TMPRSS7: variants seen among roughly 807,000 people sequenced by gnomAD.
The protein encoded by TMPRSS7 is transmembrane protease serine 7.
Under a neutral mutation model 95.6 loss-of-function variants are expected in TMPRSS7, and 81 were observed. The observed-to-expected ratio is 0.85, with a 90% confidence interval of 0.71 to 1.02. The LOEUF (loss-of-function observed/expected upper bound fraction) is 1.02. Ranked by LOEUF, TMPRSS7 falls within the 50% of genes least tolerant of loss-of-function variation. TMPRSS7 has a pLI of 0.00. For missense variants in TMPRSS7, 945 were observed against 955.2 expected, an observed-to-expected ratio of 0.99 and a Z score of 0.14; for synonymous variants, 364 against 337.8, an observed-to-expected ratio of 1.08 and a Z score of -0.85.
chr3:112,042,953 T>C (rs1291057657), intron 3 of TMPRSS7: 1 of 454,176 alleles, frequency 2.2e-6, no homozygotes, highest in African/African-American at 2.0e-5. Flanking sequence ...AGTGATGAAC[T>C]TGACACAATG....
chr3:112,075,355 C>A, exon 15 of TMPRSS7: 1 of 1,466,778 alleles, frequency 6.8e-7, no homozygotes, highest in Non-Finnish European at 9.0e-7. Context: ...TTCACCGCAT[C>A]ATCGGAGGCA....
intron 4 of TMPRSS7, 139 bp from the exon 5 acceptor site, chr3:112,045,611 C>T (rs533955232): frequency 5.0e-5 from 37 of 733,450 alleles, no homozygotes; most frequent in African/African-American, 4.5e-4. Context: ...TCATAACAGA[C>T]GTCAATGACT....
At chr3:112,079,968 G>T (rs781025307) in intron 17 of TMPRSS7, among the ~76,000 whole-genome samples, 22 of 152,126 alleles carry the variant, frequency 1.4e-4, no homozygotes, top group Non-Finnish European at 4.4e-5. Context: ...CCCATAGCTA[G>T]TCGGTTACAC....
At chr3:112,077,176 C>T in intron 16 of TMPRSS7, 32 bp downstream of exon 16, 3 of 1,604,742 alleles carry the variant, frequency 1.9e-6, no homozygotes, top group Non-Finnish European at 2.6e-6. Context: ...CATGCCCTTC[C>T]CCTGCAGAGG....
chr3:112,037,040 G>C (rs1403803035), intron 1 of TMPRSS7, among the ~76,000 whole-genome samples: 1 of 152,066 alleles, frequency 6.6e-6, no homozygotes, highest in African/African-American at 2.4e-5. Flanking sequence ...TGTGATGATT[G>C]CGTTAACTGC....
chr3:112,055,114 C>T (rs188065521), intron 9 of TMPRSS7, among the ~76,000 whole-genome samples: 32 of 152,112 alleles, frequency 2.1e-4, no homozygotes, highest in Admixed American at 1.6e-3. Context: ...TTCTTATGAG[C>T]CCTGGGTTTT....
intron 16 of TMPRSS7, 103 bp downstream of exon 16, chr3:112,077,247 C>T (rs1363919390): frequency 3.8e-6 from 5 of 1,303,710 alleles, no homozygotes; most frequent in Non-Finnish European, 5.3e-6. Context: ...ATATGATCTC[C>T]TTTGAACCTC....
chr3:112,046,163 G>A (rs567674119), intron 5 of TMPRSS7, among the ~76,000 whole-genome samples: 13 of 152,268 alleles, frequency 8.5e-5, no homozygotes, highest in African/African-American at 3.1e-4. Flanking sequence ...ATATACATAC[G>A]AAATTGAATG....
intron 11 of TMPRSS7, among the ~76,000 whole-genome samples, 174 bp from the exon 12 acceptor site, chr3:112,063,349 TCC>T (rs2073535937): frequency 6.6e-6 from 1 of 152,206 alleles, no homozygotes; most frequent in African/African-American, 2.4e-5. Flanking sequence ...TCTTCTGTGT[TCC>T]GCTTTTTTGT....
intron 9 of TMPRSS7, among the ~76,000 whole-genome samples, chr3:112,056,239 A>G (rs1278152523): frequency 6.6e-6 from 1 of 152,224 alleles, no homozygotes; most frequent in African/African-American, 2.4e-5. Context: ...AAGCATTCAT[A>G]AATTTGACCA....
At chr3:112,037,003 C>T (rs2073153805) in intron 1 of TMPRSS7, among the ~76,000 whole-genome samples, 1 of 152,162 alleles carries the variant, frequency 6.6e-6, no homozygotes, top group African/African-American at 2.4e-5. Flanking sequence ...TCTTTGTAAA[C>T]TGAGGATGTA....
chr3:112,049,703 A>G, intron 7 of TMPRSS7, 141 bp from the exon 8 acceptor site: 1 of 605,858 alleles, frequency 1.7e-6, no homozygotes, highest in Non-Finnish European at 2.6e-6. Context: ...ATGGATGAGG[A>G]TCTGGCTGGG....
At chr3:112,052,101 G>A (rs10934131) in intron 9 of TMPRSS7, among the ~76,000 whole-genome samples, 46,529 of 151,578 alleles carry the variant, frequency 0.31, 7,286 homozygotes, top group African/African-American at 0.34. Flanking sequence ...AATATGTCTC[G>A]TAATGATAAA....
chr3:112,066,662 C>T (rs900897787), intron 13 of TMPRSS7, among the ~76,000 whole-genome samples, 160 bp downstream of exon 13: 9 of 152,250 alleles, frequency 5.9e-5, no homozygotes, highest in Admixed American at 2.6e-4. Flanking sequence ...TCTTGGGAAC[C>T]CCTTTAGTCC....
intron 3 of TMPRSS7, among the ~76,000 whole-genome samples, chr3:112,043,631 G>A (rs2073239222): frequency 6.6e-6 from 1 of 152,148 alleles, no homozygotes; most frequent in African/African-American, 2.4e-5. Context: ...ATAGGAAGGG[G>A]AATACTAGAG....
intron 7 of TMPRSS7, among the ~76,000 whole-genome samples, chr3:112,048,525 A>C (rs903425803): frequency 3.3e-5 from 5 of 152,316 alleles, no homozygotes; most frequent in Admixed American, 6.5e-5. Flanking sequence ...TTTTTTACTT[A>C]ATAGTAGATA....
chr3:112,036,418 A>T (rs1000458059), intron 1 of TMPRSS7, among the ~76,000 whole-genome samples: 19 of 152,148 alleles, frequency 1.2e-4, no homozygotes, highest in Non-Finnish European at 2.4e-4. Flanking sequence ...CAAATACAGA[A>T]TTAGCCAGGT....
intron 10 of TMPRSS7, 55 bp downstream of exon 10, chr3:112,057,186 CTG>C: frequency 1.6e-6 from 2 of 1,260,548 alleles, no homozygotes; most frequent in Non-Finnish European, 2.3e-6. Context: ...AAGTTCATAG[CTG>C]TGTGTTCCTT....
At chr3:112,059,167 C>A (rs534498406) in intron 10 of TMPRSS7, among the ~76,000 whole-genome samples, 37 of 152,236 alleles carry the variant, frequency 2.4e-4, no homozygotes, top group Non-Finnish European at 4.6e-4. Context: ...AAATGGATGG[C>A]CTTTTTACAA....
Sources: gnomAD v4.1 joint callset for allele counts (sites outside exome capture counted in the v4.1 genomes callset) on GRCh38, gnomAD v4.1.1 for gene constraint, MANE v1.5 for transcripts, NCBI Gene and HGNC (gene_info 2026-07-23, HGNC 2026-07-21) for gene names.